RGS7BP: variants seen among roughly 807,000 people sequenced by gnomAD.
RGS7BP encodes the protein regulator of G protein signaling 7-binding protein.
RGS7BP carries 9 observed loss-of-function variants against 31.3 expected under a neutral mutation model. The ratio of observed to expected loss-of-function variants is 0.29; its 90% CI spans 0.17 to 0.50. The LOEUF is 0.50. RGS7BP is among the 20% of genes least tolerant of loss of function. The probability of loss-of-function intolerance (pLI) is 0.98; values close to 1 mark genes in which losing one functional copy is unlikely to be tolerated. For synonymous variants in RGS7BP, 115 were observed against 120.1 expected, an observed-to-expected ratio of 0.96 and a Z score of 0.28; for missense variants, 274 against 322.0, an observed-to-expected ratio of 0.85 and a Z score of 1.14.
intron 2 of RGS7BP, among the ~76,000 whole-genome samples, chr5:64,548,280 T>A (rs1313812294): frequency 2.0e-5 from 3 of 152,166 alleles, no homozygotes; most frequent in African/African-American, 7.2e-5. Flanking sequence ...GATTTAAGTA[T>A]AAATTCTGAA....
At chr5:64,567,999 G>A (rs1742210800) in intron 2 of RGS7BP, among the ~76,000 whole-genome samples, 1 of 151,936 alleles carries the variant, frequency 6.6e-6, no homozygotes, top group Non-Finnish European at 1.5e-5. Flanking sequence ...AAAATATTTT[G>A]CAGATTAAAA....
intron 3 of RGS7BP, among the ~76,000 whole-genome samples, chr5:64,593,215 G>A (rs1742968427): frequency 6.6e-6 from 1 of 152,168 alleles, no homozygotes; most frequent in South Asian, 2.1e-4. Context: ...CTATAGGTTG[G>A]TGAAAGGCAT....
At chr5:64,519,696 C>A (rs903384466) in intron 2 of RGS7BP, among the ~76,000 whole-genome samples, 1 of 152,210 alleles carries the variant, frequency 6.6e-6, no homozygotes, top group Non-Finnish European at 1.5e-5. Flanking sequence ...CAACTATGTG[C>A]TGTTCCCTTT....
At chr5:64,557,103 TG>T (rs1449051182) in intron 2 of RGS7BP, among the ~76,000 whole-genome samples, 2 of 152,164 alleles carry the variant, frequency 1.3e-5, no homozygotes, top group Admixed American at 1.3e-4. Flanking sequence ...GGAACTGCAC[TG>T]CTTAAAACAA....
At chr5:64,573,852 G>T (rs1157309028) in intron 2 of RGS7BP, among the ~76,000 whole-genome samples, 2 of 152,048 alleles carry the variant, frequency 1.3e-5, no homozygotes, top group African/African-American at 2.4e-5. Flanking sequence ...CAACTACTCT[G>T]ATTTAATCAT....
intron 2 of RGS7BP, among the ~76,000 whole-genome samples, chr5:64,542,684 T>C (rs1741556274): frequency 6.6e-6 from 1 of 152,214 alleles, no homozygotes; most frequent in Non-Finnish European, 1.5e-5. Context: ...TTGTGTTCCA[T>C]GTGGACATGG....
At chr5:64,528,314 C>T (rs140669693) in intron 2 of RGS7BP, among the ~76,000 whole-genome samples, 1 of 152,244 alleles carries the variant, frequency 6.6e-6, no homozygotes, top group Non-Finnish European at 1.5e-5. Context: ...TTTTTCTTCC[C>T]TAGAGCATCC....
intron 2 of RGS7BP, among the ~76,000 whole-genome samples, chr5:64,560,631 A>C (rs1411957399): frequency 6.6e-6 from 1 of 151,962 alleles, no homozygotes; most frequent in Non-Finnish European, 1.5e-5. Flanking sequence ...GAAATGCATG[A>C]TATACAAAAT....
rs1748699424 is a variant in RGS7BP at position 64,506,868 on chromosome 5, C to G, written c.165+79C>G. On this transcript the variant is annotated intron_variant, in intron 1 of 5. Coordinates refer to ENST00000334025, the MANE Select transcript of RGS7BP (RefSeq NM_001029875.3). This position sits in a 1 kb window ranked among gnomAD's most constrained non-coding sequence, Gnocchi z 4.6. ...GGAGTCATGTATGTTAATCATTTGCCTGAGTGCCAGCCACTCCCCCACCCT... is the reference window on the plus strand; with the variant it reads ...GGAGTCATGTATGTTAATCATTTGCGTGAGTGCCAGCCACTCCCCCACCCT... The G allele has an allele frequency of 1.0e-5, 14 of 1,377,538 alleles. No individual in the cohort carries two copies. The highest frequency in any genetic ancestry group is 2.3e-5 in the Admixed American group (1 of 43,162). The allele number at this position is 1,377,538 out of a possible 1,614,324, so 85.3% of individuals were successfully genotyped here.
At chr5:64,516,340 G>A (rs996908225) in intron 2 of RGS7BP, among the ~76,000 whole-genome samples, 4 of 152,250 alleles carry the variant, frequency 2.6e-5, no homozygotes, top group South Asian at 4.1e-4. Flanking sequence ...GTCCTGTAGT[G>A]CTTTATCTTT....
At chr5:64,575,510 C>T in intron 2 of RGS7BP, 3 of 210,742 alleles carry the variant, frequency 1.4e-5, no homozygotes, top group Non-Finnish European at 2.5e-5. Flanking sequence ...CTGATATTTT[C>T]AATTATGTAA....
rs1234455048 is a variant in RGS7BP, at chr5:64,551,267, AT to A, written c.333-24494del. 3.2e-3 allele frequency among the ~76,000 whole-genome samples: 444 copies of A among 140,508 alleles called. 3 individuals carry two copies. Among genetic ancestry groups the A allele is most frequent in the African/African-American group, 7.6e-3 (290 of 38,302 alleles). 92.2% of individuals were successfully genotyped at this position (140,508 alleles called of 152,430 possible). On this transcript the variant is annotated intron_variant, in intron 2 of 5. Coordinates refer to ENST00000334025, the MANE Select transcript of RGS7BP (RefSeq NM_001029875.3). ...TATTTTTTTATTTATTTTTTATTTT[AT>A]TTTTTTTTTTTTGAGATGGAGTCTC... is the stretch of plus-strand genomic sequence containing the variant.
At chr5:64,529,785 C>A (rs1280624603) in intron 2 of RGS7BP, among the ~76,000 whole-genome samples, 2 of 152,190 alleles carry the variant, frequency 1.3e-5, no homozygotes, top group Non-Finnish European at 2.9e-5. Flanking sequence ...GATTCTGGAT[C>A]CTTGCTGTTC....
At chr5:64,540,296 A>C (rs1305520107) in intron 2 of RGS7BP, among the ~76,000 whole-genome samples, 2 of 152,170 alleles carry the variant, frequency 1.3e-5, no homozygotes, top group Non-Finnish European at 2.9e-5. Context: ...TTTTAATAAG[A>C]TTGAACTCAT....
At chr5:64,582,110 T>C (rs1023133398) in intron 3 of RGS7BP, among the ~76,000 whole-genome samples, 38 of 152,242 alleles carry the variant, frequency 2.5e-4, no homozygotes, top group Non-Finnish European at 8.8e-5. Context: ...TTTCTATGTT[T>C]ATGGTGAAAA....
intron 2 of RGS7BP, among the ~76,000 whole-genome samples, chr5:64,526,549 C>T (rs1749235086): frequency 6.6e-6 from 1 of 152,166 alleles, no homozygotes; most frequent in Non-Finnish European, 1.5e-5. Context: ...ACCATTTTCC[C>T]TAGCCTCAGC....
At chr5:64,519,309 C>A (rs1321554531) in intron 2 of RGS7BP, among the ~76,000 whole-genome samples, 4 of 152,216 alleles carry the variant, frequency 2.6e-5, no homozygotes, top group Non-Finnish European at 5.9e-5. Flanking sequence ...ATGGGCCAGA[C>A]ATTGTGCAAA....
chr5:64,574,356 C>T (rs1459168396), intron 2 of RGS7BP, among the ~76,000 whole-genome samples: 3 of 151,466 alleles, frequency 2.0e-5, no homozygotes, highest in Non-Finnish European at 4.4e-5. Context: ...ATGGGAGAAA[C>T]GGAGGACAGC....
At chr5:64,568,735 G>GA (rs1742229281) in intron 2 of RGS7BP, among the ~76,000 whole-genome samples, 1 of 147,758 alleles carries the variant, frequency 6.8e-6, no homozygotes, top group Non-Finnish European at 1.5e-5. Context: ...AGTATTTTTA[G>GA]TCTTATTTCA....
Sources: allele counts gnomAD v4.1 joint callset (sites outside exome capture counted in the v4.1 genomes callset), GRCh38; gene constraint gnomAD v4.1.1; non-coding constraint Gnocchi (gnomAD v3.1); transcripts MANE v1.5; gene names NCBI Gene and HGNC (gene_info 2026-07-23, HGNC 2026-07-21).